The following KIAA0825 variants were observed in gnomAD, a reference collection of about 807,000 sequenced individuals.
KIAA0825 encodes KIAA0825.
A neutral mutation model predicts 147.6 loss-of-function variants in KIAA0825; 119 were observed. The ratio of observed to expected loss-of-function variants is 0.81; its 90% CI spans 0.69 to 0.94. The LOEUF (loss-of-function observed/expected upper bound fraction) is 0.94. KIAA0825 is among the 40% of genes least tolerant of loss of function. The probability of loss-of-function intolerance (pLI) is 0.00; values close to 1 mark genes in which losing one functional copy is unlikely to be tolerated. For missense variants in KIAA0825, 1,381 were observed against 1,472.7 expected (o/e 0.94, Z 1.02); for synonymous variants, 470 against 518.1 (o/e 0.91, Z 1.26).
At chr5:94,558,639 G>C (rs1230245567) in intron 2 of KIAA0825, among the ~76,000 whole-genome samples, 1 of 152,106 alleles carries the variant, frequency 6.6e-6, no homozygotes, top group African/African-American at 2.4e-5. Flanking sequence ...TCACCACAGG[G>C]TTCTCTCTAG....
intron 20 of KIAA0825, among the ~76,000 whole-genome samples, chr5:94,220,011 T>G (rs889488935): frequency 3.9e-5 from 6 of 152,224 alleles, no homozygotes; most frequent in Admixed American, 1.3e-4. Flanking sequence ...TTGACATTTT[T>G]AAACTTTTGA....
chr5:94,578,243 A>T (rs1333105808), intron 2 of KIAA0825, among the ~76,000 whole-genome samples: 1 of 152,252 alleles, frequency 6.6e-6, no homozygotes, highest in East Asian at 1.9e-4. Flanking sequence ...TTATCTCATT[A>T]GAGGTTTCCT....
At position 94,361,621 on chromosome 5, in the gene KIAA0825, ACACATATAATC is replaced by A. The variant is rs1041710316; in HGVS notation, c.3710+22736_3710+22746del. On this transcript the variant is annotated intron_variant, in intron 20 of 20. Coordinates refer to ENST00000682413, the MANE Select transcript of KIAA0825 (RefSeq NM_001145678.3). The stretch of plus-strand genomic sequence containing the variant: ...TATTTCCAACGAATGCATTAAAATC[ACACATATAATC>A]CACATTTTCAGAGTTGTTATGAACA... Among the ~76,000 whole-genome samples, 134 of 152,338 alleles carry A rather than the reference ACACATATAATC, an allele frequency of 8.8e-4. 1 individual carries two copies. Among genetic ancestry groups the A allele is most frequent in the African/African-American group, 3.2e-3 (133 of 41,576 alleles).
At chr5:94,485,721 G>A (rs1211174277) in intron 5 of KIAA0825, among the ~76,000 whole-genome samples, 2 of 151,332 alleles carry the variant, frequency 1.3e-5, no homozygotes, top group African/African-American at 4.8e-5. Context: ...TATTATCCTG[G>A]CAACCTTTTT....
chr5:94,358,698 C>T (rs1744654353), intron 20 of KIAA0825, among the ~76,000 whole-genome samples: 1 of 152,072 alleles, frequency 6.6e-6, no homozygotes, highest in South Asian at 2.1e-4. Flanking sequence ...ATTTTCTGAT[C>T]CATGAAACAC....
At chr5:94,245,966 C>T (rs1775588275) in intron 20 of KIAA0825, among the ~76,000 whole-genome samples, 1 of 152,094 alleles carries the variant, frequency 6.6e-6, no homozygotes, top group Non-Finnish European at 1.5e-5. Flanking sequence ...TTAAGTGTGA[C>T]CTCAATTCTG....
chr5:94,340,446 CTGAGT>C (rs1229787912), intron 20 of KIAA0825, among the ~76,000 whole-genome samples: 1 of 152,058 alleles, frequency 6.6e-6, no homozygotes, highest in Non-Finnish European at 1.5e-5. Context: ...GGTTACCTAC[CTGAGT>C]TATTTATACA....
At chr5:94,190,894 TA>T (rs528261882) in intron 20 of KIAA0825, among the ~76,000 whole-genome samples, 1 of 152,056 alleles carries the variant, frequency 6.6e-6, no homozygotes, top group Non-Finnish European at 1.5e-5. Flanking sequence ...CGCACCCTTT[TA>T]AAAAAATCAG....
At chr5:94,585,840 C>G (rs1415675930) in intron 1 of KIAA0825, among the ~76,000 whole-genome samples, 1 of 152,168 alleles carries the variant, frequency 6.6e-6, no homozygotes, top group Non-Finnish European at 1.5e-5. Context: ...AACAAACTGT[C>G]TCCCACACCA....
chr5:94,386,107 C>T, intron 19 of KIAA0825, 135 bp downstream of exon 19: 1 of 682,656 alleles, frequency 1.5e-6, no homozygotes. Flanking sequence ...TTTGTACAGA[C>T]CATGTAAATA....
At chr5:94,343,218 C>T (rs1273168253) in intron 20 of KIAA0825, among the ~76,000 whole-genome samples, 1 of 152,196 alleles carries the variant, frequency 6.6e-6, no homozygotes, top group African/African-American at 2.4e-5. Flanking sequence ...AAATTCTCAG[C>T]AGCCTTCCAC....
chr5:94,277,547 C>G (rs1777275414), intron 20 of KIAA0825, among the ~76,000 whole-genome samples: 1 of 152,048 alleles, frequency 6.6e-6, no homozygotes, highest in Admixed American at 6.5e-5. Context: ...CAAATGAAAA[C>G]CACAATGAGA....
chr5:94,525,982 C>T (rs185420991), intron 3 of KIAA0825, among the ~76,000 whole-genome samples: 2 of 152,032 alleles, frequency 1.3e-5, no homozygotes, highest in East Asian at 1.9e-4. Context: ...TATAAAATGT[C>T]AGAACTAATT....
chr5:94,453,690 T>C (rs746694412), intron 12 of KIAA0825, among the ~76,000 whole-genome samples: 1 of 152,132 alleles, frequency 6.6e-6, no homozygotes, highest in Admixed American at 6.6e-5. Flanking sequence ...AACAATACTA[T>C]TATCATTTAA....
chr5:94,540,506 C>T (rs1035065446), intron 2 of KIAA0825, among the ~76,000 whole-genome samples: 2 of 152,186 alleles, frequency 1.3e-5, no homozygotes, highest in African/African-American at 4.8e-5. Context: ...GGTTCAGGGT[C>T]CAATTCCCGC....
chr5:94,236,617 G>A (rs925050956), intron 20 of KIAA0825, among the ~76,000 whole-genome samples: 5 of 152,216 alleles, frequency 3.3e-5, no homozygotes, highest in African/African-American at 9.6e-5. Context: ...GTAAAATGCT[G>A]TCAAACAGCA....
chr5:94,281,439 C>G (rs1403840632), intron 20 of KIAA0825, among the ~76,000 whole-genome samples: 1 of 152,114 alleles, frequency 6.6e-6, no homozygotes, highest in Non-Finnish European at 1.5e-5. Flanking sequence ...TTTAAAACAA[C>G]TGATGGCCCA....
intron 13 of KIAA0825, among the ~76,000 whole-genome samples, chr5:94,447,302 G>C (rs1272953724): frequency 6.6e-6 from 1 of 151,830 alleles, no homozygotes; most frequent in Non-Finnish European, 1.5e-5. Context: ...TGATCATCAA[G>C]AAAAAAGGTT....
In KIAA0825 at chr5:94,439,997, A is replaced by G; in HGVS notation, c.2482T>C (p.Leu828=). The change falls in exon 14 of 21, where the codon TTG becomes CTG. Residue 828 remains leucine (L), a synonymous_variant. Transcript: ENST00000682413. ...LHHDGLLLRI[L]LKSSKQVSDT... is the part of the protein sequence containing the mutation. ...ACATACTCACTTGAGCTCTTCAGCA[A>G]GATTCTCAGTAAAAGTCCATCATGA... 6.4e-7 allele frequency: 1 copy of G among 1,551,662 alleles called. No individual in the cohort carries two copies.
Sources: gnomAD v4.1 joint callset for allele counts (sites outside exome capture counted in the v4.1 genomes callset) on GRCh38, gnomAD v4.1.1 for gene constraint, MANE v1.5 for transcripts, NCBI Gene and HGNC (gene_info 2026-07-23, HGNC 2026-07-21) for gene names.